The following SINHCAF variants were observed in gnomAD, a reference collection of about 807,000 sequenced individuals.
SINHCAF encodes SIN3-HDAC complex-associated factor.
SINHCAF carries 3 observed loss-of-function variants against 25.8 expected under a neutral mutation model. That is an observed-to-expected ratio of 0.12 (90% CI 0.05 to 0.30). The LOEUF is 0.30. Ranked by LOEUF, SINHCAF falls within the 10% of genes least tolerant of loss-of-function variation. SINHCAF has a pLI of 1.00. For synonymous variants in SINHCAF, 70 were observed against 85.5 expected, an observed-to-expected ratio of 0.82 and a Z score of 1.00; for missense variants, 121 against 262.3, an observed-to-expected ratio of 0.46 and a Z score of 3.72.
chr12:31,291,552 T>C (rs1445392578), intron 4 of SINHCAF, among the ~76,000 whole-genome samples: 1 of 152,080 alleles, frequency 6.6e-6, no homozygotes, highest in Non-Finnish European at 1.5e-5. Flanking sequence ...TCACCTGAGG[T>C]CAGGAGTTCA....
At chr12:31,293,443 A>G (rs1446472267) in intron 4 of SINHCAF, among the ~76,000 whole-genome samples, 1 of 152,216 alleles carries the variant, frequency 6.6e-6, no homozygotes, top group African/African-American at 2.4e-5. Context: ...TTGGTCTCAG[A>G]TTGTCCCCTT....
intron 1 of SINHCAF, among the ~76,000 whole-genome samples, chr12:31,300,681 A>G (rs992022771): frequency 1.3e-5 from 2 of 152,340 alleles, no homozygotes; most frequent in Non-Finnish European, 2.9e-5. Context: ...ATGACAGAAG[A>G]TTGCAGAAAC....
Position 31,282,492 on chromosome 12 carries a change from G to C in SINHCAF, c.*220C>G. 3 of 373,144 alleles carry C rather than the reference G, an allele frequency of 8.0e-6. No individual in the cohort carries two copies. Among genetic ancestry groups the C allele is most frequent in the Non-Finnish European group, 1.4e-5 (3 of 209,700 alleles). 23.1% of individuals were successfully genotyped at this position (373,144 alleles called of 1,614,324 possible). Reference sequence around the variant, plus strand: ...AAAAAATTAGCCGGGTCTGGTGGCGGGCACCTATAAACCCAGCTACTTGGG... The same window carrying C: ...AAAAAATTAGCCGGGTCTGGTGGCGCGCACCTATAAACCCAGCTACTTGGG... On this transcript the variant is annotated 3_prime_UTR_variant, in exon 6 of 6. Coordinates refer to ENST00000337682, the MANE Select transcript of SINHCAF (RefSeq NM_001135812.2).
intron 1 of SINHCAF, among the ~76,000 whole-genome samples, chr12:31,316,041 C>T (rs1939483461): frequency 2.0e-5 from 3 of 151,944 alleles, no homozygotes; most frequent in Admixed American, 6.6e-5. Context: ...TAGTGGCAGA[C>T]GCCTGTAAAT....
intron 1 of SINHCAF, chr12:31,303,787 T>C (rs1465301601): frequency 6.6e-6 from 1 of 152,152 alleles, no homozygotes; most frequent in African/African-American, 2.4e-5. Context: ...TCAAACCTTG[T>C]TATGACGTCG....
At position 31,282,603 on chromosome 12, in the gene SINHCAF, CAA is replaced by C. The variant is rs1414163031; in HGVS notation, c.*107_*108del. On this transcript the variant is annotated 3_prime_UTR_variant, in exon 6 of 6. Coordinates refer to ENST00000337682, the MANE Select transcript of SINHCAF (RefSeq NM_001135812.2). ...CGCCACTGCACTCCAGCCTGGGTAACAAGAGCAAAACTCCGTCTCAAAAAAAA... is the reference window on the plus strand; with the variant it reads ...CGCCACTGCACTCCAGCCTGGGTAACGAGCAAAACTCCGTCTCAAAAAAAA... The C allele has an allele frequency of 2.1e-6, 2 of 972,566 alleles. No homozygotes were observed. Among genetic ancestry groups the C allele is most frequent in the African/African-American group, 3.5e-5 (2 of 57,630 alleles). The allele number at this position is 972,566 out of a possible 1,614,324, so 60.2% of individuals were successfully genotyped here. A position where few individuals can be genotyped will look rare whatever the true frequency, so the allele number is the denominator to read the frequency against.
At chr12:31,288,431 A>T (rs1468735541) in intron 4 of SINHCAF, among the ~76,000 whole-genome samples, 2 of 152,146 alleles carry the variant, frequency 1.3e-5, no homozygotes, top group African/African-American at 2.4e-5. Flanking sequence ...AAGCACCCCA[A>T]CACCTATACC....
chr12:31,297,250 G>A (rs958281021), intron 2 of SINHCAF, among the ~76,000 whole-genome samples: 1 of 151,880 alleles, frequency 6.6e-6, no homozygotes, highest in Admixed American at 6.6e-5. Flanking sequence ...CAACCTCCCA[G>A]GCTCAGGTGA....
At chr12:31,290,484 T>A (rs1290927226) in intron 4 of SINHCAF, among the ~76,000 whole-genome samples, 2 of 152,140 alleles carry the variant, frequency 1.3e-5, no homozygotes, top group African/African-American at 4.8e-5. Context: ...TAAAACAGCA[T>A]AAAATTAGGT....
chr12:31,308,278 C>T (rs1241778843), intron 1 of SINHCAF, among the ~76,000 whole-genome samples: 1 of 152,074 alleles, frequency 6.6e-6, no homozygotes, highest in Non-Finnish European at 1.5e-5. Context: ...GCTGGCTGTC[C>T]CTCACGAGTC....
In SINHCAF at chr12:31,282,431, TG is replaced by T. The variant is rs1592950039; in HGVS notation, c.*280del. The T allele has an allele frequency of 4.0e-6, 1 of 248,946 alleles. No homozygotes were observed. The highest frequency in any genetic ancestry group is 2.2e-5 in the African/African-American group (1 of 44,830). The allele number at this position is 248,946 out of a possible 1,614,324, so 15.4% of individuals were successfully genotyped here. On this transcript the variant is annotated 3_prime_UTR_variant, in exon 6 of 6. Transcript: ENST00000337682. ...ATAAGAGGGTCATTTAAGACCAGCC[TG>T]GCCAACGTGGTGAAACCCCGTCTCT...
At chr12:31,303,285 C>A (rs540095396) in intron 1 of SINHCAF, 3 of 915,936 alleles carry the variant, frequency 3.3e-6, no homozygotes, top group Non-Finnish European at 3.9e-6. Flanking sequence ...AATGATCATA[C>A]TTCATGTCCT....
intron 1 of SINHCAF, chr12:31,311,967 CTT>C: frequency 1.5e-6 from 1 of 683,396 alleles, no homozygotes; most frequent in East Asian, 4.3e-5. Flanking sequence ...GCCCCTGATA[CTT>C]TGTTTATGGT....
At chr12:31,298,906 T>C (rs1938658824) in intron 1 of SINHCAF, among the ~76,000 whole-genome samples, 1 of 152,206 alleles carries the variant, frequency 6.6e-6, no homozygotes, top group Admixed American at 6.5e-5. Flanking sequence ...GCTCATGTTG[T>C]CTGACCGCTG....
At chr12:31,314,295 C>T (rs534588793) in intron 1 of SINHCAF, among the ~76,000 whole-genome samples, 1 of 151,794 alleles carries the variant, frequency 6.6e-6, no homozygotes, top group South Asian at 2.1e-4. Flanking sequence ...GGAGGCGAGG[C>T]GGGCGGATCA....
chr12:31,288,438 T>C (rs779271238), intron 4 of SINHCAF, among the ~76,000 whole-genome samples: 2 of 152,144 alleles, frequency 1.3e-5, no homozygotes, highest in Non-Finnish European at 2.9e-5. Context: ...CCAACACCTA[T>C]ACCAGGGTGG....
chr12:31,286,980 A>G lies in SINHCAF; in HGVS notation c.506+654T>C, dbSNP rs147803349. On this transcript the variant is annotated intron_variant, in intron 5 of 5. Coordinates refer to ENST00000337682, the MANE Select transcript of SINHCAF (RefSeq NM_001135812.2). ...TCACCAGGCTGGAGTGCAATGGTGCAAAAATAGCTTACTGCAAACCTAACC... is the reference window on the plus strand; with the variant it reads ...TCACCAGGCTGGAGTGCAATGGTGCGAAAATAGCTTACTGCAAACCTAACC... Among the ~76,000 whole-genome samples, 53 of 152,234 alleles carry G rather than the reference A, an allele frequency of 3.5e-4. 1 individual carries two copies. Among genetic ancestry groups the G allele is most frequent in the African/African-American group, 1.3e-3 (52 of 41,558 alleles).
At chr12:31,286,626 G>T (rs1274636931) in intron 5 of SINHCAF, among the ~76,000 whole-genome samples, 1 of 146,534 alleles carries the variant, frequency 6.8e-6, no homozygotes, top group Non-Finnish European at 1.5e-5. Flanking sequence ...TCGAGCCATT[G>T]CACTATAGCT....
chr12:31,302,596 G>A lies in SINHCAF; in HGVS notation c.-20-4372C>T, dbSNP rs1180808158. Among the ~76,000 whole-genome samples, 5 of 151,182 alleles carry A rather than the reference G, an allele frequency of 3.3e-5. No individual in the cohort carries two copies. In the East Asian group the frequency reaches 9.7e-4, roughly 29 times the overall value. On this transcript the variant is annotated intron_variant, in intron 1 of 5. Coordinates refer to ENST00000337682, the MANE Select transcript of SINHCAF (RefSeq NM_001135812.2). ...CACAGGTTCCAACAGGTTATAACCT[G>A]TGTTTCAAAGCAGATTACACGAGGC...
Sources: allele counts gnomAD v4.1 joint callset (sites outside exome capture counted in the v4.1 genomes callset), GRCh38; gene constraint gnomAD v4.1.1; transcripts MANE v1.5; gene names NCBI Gene and HGNC (gene_info 2026-07-23, HGNC 2026-07-21).